Variants in APC observed in about 807,000 individuals in gnomAD.
APC encodes the protein APC regulator of Wnt signaling pathway.
In APC, 72 loss-of-function variants were observed where a neutral mutation model predicts 247.0. The observed-to-expected ratio is 0.29, with a 90% CI of 0.24 to 0.35. The LOEUF (loss-of-function observed/expected upper bound fraction) is 0.35. Among genes scored for constraint, APC ranks in the 10% least tolerant of loss-of-function variants. The probability of loss-of-function intolerance (pLI) is 1.00; values close to 1 mark genes in which losing one functional copy is unlikely to be tolerated. For missense variants in APC, 3,400 were observed against 3,360.7 expected (o/e 1.01, Z -0.29); for synonymous variants, 1,254 against 1,162.5 (o/e 1.08, Z -1.60).
chr5:112,829,351 T>A (rs1397224852), intron 14 of APC: 1 of 224,458 alleles, frequency 4.5e-6, no homozygotes, highest in Non-Finnish European at 8.9e-6. Flanking sequence ...GTAAGGCTGG[T>A]CTCGAACTAC....
At chr5:112,711,720 CA>C (rs1371082659) in intron 1 of APC, among the ~76,000 whole-genome samples, 2 of 151,726 alleles carry the variant, frequency 1.3e-5, no homozygotes, top group African/African-American at 2.4e-5. Flanking sequence ...GACCCCATCT[CA>C]AAAAAACAAA....
intron 1 of APC, among the ~76,000 whole-genome samples, chr5:112,710,045 C>A (rs1200499142): frequency 6.6e-6 from 1 of 152,116 alleles, no homozygotes; most frequent in Non-Finnish European, 1.5e-5. Context: ...CATTTGCCTC[C>A]CTGTGTAACC....
chr5:112,835,399 C>T (rs937682895), intron 15 of APC, among the ~76,000 whole-genome samples: 16 of 151,924 alleles, frequency 1.1e-4, no homozygotes, highest in Middle Eastern at 3.4e-3. Context: ...AGGTGTAGCC[C>T]ATAGGTGGAG....
Position 112,843,351 on chromosome 5 carries a change from G to T in APC, c.7757G>T (p.Ser2586Ile), listed in dbSNP as rs199806334. The T allele has an allele frequency of 9.9e-6, 16 of 1,613,858 alleles. No individual in the cohort carries two copies. The highest frequency in any genetic ancestry group is 1.4e-5 in the Non-Finnish European group (16 of 1,179,890). Residue 2586 changes from serine (S) to isoleucine (I), a missense_variant, in exon 16 of 16, where the codon AGT (serine) becomes ATT (isoleucine). By Grantham distance (142) the Ser-to-Ile change is moderately radical. Transcript: ENST00000257430. The surrounding 1 kb of genome is among the most constrained non-coding windows in gnomAD (Gnocchi z 4.8). ...ASSESSEKAK[S>I]EDEKHVNSIS... Reference sequence around the variant, plus strand: ...TCAGAATCCAGTGAAAAAGCAAAAAGTGAGGATGAAAAACATGTGAACTCT... The same window carrying T: ...TCAGAATCCAGTGAAAAAGCAAAAATTGAGGATGAAAAACATGTGAACTCT...
At chr5:112,826,586 TAAA>T (rs554969279) in intron 11 of APC, among the ~76,000 whole-genome samples, 6 of 82,986 alleles carry the variant, frequency 7.2e-5, no homozygotes, top group African/African-American at 2.2e-4. Flanking sequence ...TCATTTTTTG[TAAA>T]AAAAAAAAAA....
chr5:112,844,594 A>G lies in APC; in HGVS notation c.*468A>G, dbSNP rs1288078968. On this transcript the variant is annotated 3_prime_UTR_variant, in exon 16 of 16. Transcript: ENST00000257430. ...ATCATAATTAATCATGTGGCTGTGA[A>G]ATTCACAGTAATATGGTTCCCGATG... 4.2e-6 allele frequency: 1 copy of G among 236,066 alleles called. No homozygotes were observed. 14.6% of individuals were successfully genotyped at this position (236,066 alleles called of 1,614,324 possible). A position where few individuals can be genotyped will look rare whatever the true frequency, so the allele number is the denominator to read the frequency against.
intron 2 of APC, among the ~76,000 whole-genome samples, chr5:112,763,834 C>T (rs946379116): frequency 2.6e-5 from 4 of 152,158 alleles, no homozygotes; most frequent in African/African-American, 9.7e-5. Flanking sequence ...AGCCTCTACC[C>T]CAGGCTTACT....
chr5:112,741,554 A>G (rs1194123921), intron 1 of APC, among the ~76,000 whole-genome samples: 2 of 152,170 alleles, frequency 1.3e-5, no homozygotes, highest in East Asian at 1.9e-4. Context: ...TTCTTGAGAA[A>G]TAGCATCATT....
intron 7 of APC, among the ~76,000 whole-genome samples, chr5:112,800,412 A>T (rs1325936087): frequency 6.6e-6 from 1 of 152,196 alleles, no homozygotes; most frequent in Non-Finnish European, 1.5e-5. Flanking sequence ...TTATTGATGG[A>T]AATGTTGCAT....
chr5:112,844,301 T>G lies in APC; in HGVS notation c.*175T>G. The G allele has an allele frequency of 1.6e-6, 1 of 636,368 alleles. No individual in the cohort carries two copies. Among genetic ancestry groups the G allele is most frequent in the Non-Finnish European group, 2.6e-6 (1 of 380,248 alleles). 39.4% of individuals were successfully genotyped at this position (636,368 alleles called of 1,614,324 possible). A position where few individuals can be genotyped will look rare whatever the true frequency, so the allele number is the denominator to read the frequency against. On this transcript the variant is annotated 3_prime_UTR_variant, in exon 16 of 16. Transcript: ENST00000257430. Reference sequence around the variant, plus strand: ...ATAGTATACTTTGTCTTCACTGGTCTTATTTTGGGAGGCACTCTTGATGGT... The same window carrying G: ...ATAGTATACTTTGTCTTCACTGGTCGTATTTTGGGAGGCACTCTTGATGGT...
rs757221580 is a variant in APC at position 112,838,402 on chromosome 5, T to C, written c.2808T>C (p.Asn936=). Residue 936 remains asparagine, a synonymous_variant, in exon 16 of 16, where the codon AAT becomes AAC. Coordinates refer to ENST00000257430, the MANE Select transcript of APC (RefSeq NM_000038.6). ...CCCATACACATTCAAACACTTACAA[T>C]TTCACTAAGTCGGAAAATTCAAATA... ...SAAHTHSNTY[N]FTKSENSNRT... The C allele has an allele frequency of 3.1e-6, 5 of 1,614,182 alleles. No individual in the cohort carries two copies. In the South Asian group the frequency reaches 4.4e-5, roughly 14 times the overall value.
At chr5:112,721,297 C>G (rs1479948616) in intron 1 of APC, among the ~76,000 whole-genome samples, 1 of 151,916 alleles carries the variant, frequency 6.6e-6, no homozygotes, top group Non-Finnish European at 1.5e-5. Flanking sequence ...GCCTGTAATC[C>G]CAGCTACTCG....
chr5:112,734,107 C>G (rs978527558), upstream of APC, among the ~76,000 whole-genome samples: 2 of 152,146 alleles, frequency 1.3e-5, no homozygotes, highest in African/African-American at 4.8e-5. Context: ...GCAGGAGGAT[C>G]ACCTGAGGTT....
intron 4 of APC, among the ~76,000 whole-genome samples, chr5:112,770,800 A>G (rs955889367): frequency 6.6e-6 from 1 of 152,068 alleles, no homozygotes; most frequent in Non-Finnish European, 1.5e-5. Context: ...TCAATTATCC[A>G]TCCAGTTTTT....
At chr5:112,712,591 G>C (rs937476504) in intron 1 of APC, among the ~76,000 whole-genome samples, 2 of 149,088 alleles carry the variant, frequency 1.3e-5, no homozygotes, top group African/African-American at 5.0e-5. Context: ...ACCGGGGCTT[G>C]CTGTATTCCC....
At chr5:112,802,134 A>G (rs573288258) in intron 8 of APC, among the ~76,000 whole-genome samples, 2 of 152,104 alleles carry the variant, frequency 1.3e-5, no homozygotes, top group South Asian at 4.1e-4. Flanking sequence ...TCTTAAAGGT[A>G]ATTTTTCTAC....
chr5:112,713,536 T>A (rs2149642756), intron 1 of APC, among the ~76,000 whole-genome samples: 1 of 152,286 alleles, frequency 6.6e-6, no homozygotes, highest in East Asian at 1.9e-4. Flanking sequence ...AGCAAATGGC[T>A]GATTAGAAGA....
At chr5:112,779,280 G>A (rs1313555544) in intron 5 of APC, among the ~76,000 whole-genome samples, 1 of 152,156 alleles carries the variant, frequency 6.6e-6, no homozygotes, top group Non-Finnish European at 1.5e-5. Flanking sequence ...GTTAATTTTG[G>A]TCATTAGAGA....
intron 1 of APC, among the ~76,000 whole-genome samples, chr5:112,720,127 T>G (rs926693722): frequency 6.6e-6 from 1 of 152,230 alleles, no homozygotes; most frequent in African/African-American, 2.4e-5. Flanking sequence ...GTTAAAAATT[T>G]AGTATAACAT....
Sources: gnomAD v4.1 joint callset for allele counts (sites outside exome capture counted in the v4.1 genomes callset) on GRCh38, gnomAD v4.1.1 for gene constraint, Gnocchi (gnomAD v3.1) non-coding constraint, MANE v1.5 for transcripts, NCBI Gene and HGNC (gene_info 2026-07-23, HGNC 2026-07-21) for gene names.